TH: variants seen among roughly 807,000 people sequenced by gnomAD.
TH encodes the protein tyrosine hydroxylase, also known as tyrosine 3-monooxygenase.
A neutral mutation model predicts 57.4 loss-of-function variants in TH; 49 were observed. The ratio of observed to expected loss-of-function variants is 0.85; its 90% CI spans 0.68 to 1.08. The LOEUF (loss-of-function observed/expected upper bound fraction) is 1.08, where lower values mean the gene tolerates loss of function less well. Ranked by LOEUF, TH falls within the 50% of genes least tolerant of loss-of-function variation. The pLI is 0.00. For missense variants in TH, 720 were observed against 696.7 expected (o/e 1.03, Z -0.38); for synonymous variants, 330 against 304.5 (o/e 1.08, Z -0.87).
intron 9 of TH, 24 bp from the exon 10 acceptor site, chr11:2,166,082 A>T: frequency 1.3e-6 from 2 of 1,551,434 alleles, no homozygotes; most frequent in South Asian, 1.2e-5. Context: ...AGGATGAAGG[A>T]TGGGGAGAGG....
chr11:2,168,433 C>T (rs1846160940), intron 3 of TH, 58 bp downstream of exon 3: 2 of 1,604,872 alleles, frequency 1.2e-6, no homozygotes, highest in South Asian at 1.1e-5. Context: ...GCAGGAGCCC[C>T]TGCACCCCAG....
chr11:2,165,223 C>G lies in TH; in HGVS notation c.1334+9G>C, dbSNP rs758713265. Reference sequence around the variant, plus strand: ...ACCATGGGGGGCTTGCCCTAGCAGCCTAGCCCACCTGAGCTTGTCCTTGGC... The same window carrying G: ...ACCATGGGGGGCTTGCCCTAGCAGCGTAGCCCACCTGAGCTTGTCCTTGGC... On this transcript the variant is annotated intron_variant, in intron 12 of 12. Transcript: ENST00000352909. 2 of 1,612,804 alleles carry G rather than the reference C, an allele frequency of 1.2e-6. No individual in the cohort carries two copies. The highest frequency in any genetic ancestry group is 1.7e-6 in the Non-Finnish European group (2 of 1,179,960).
chr11:2,169,165 G>C (rs1846186190), intron 2 of TH, among the ~76,000 whole-genome samples: 1 of 152,070 alleles, frequency 6.6e-6, no homozygotes, highest in South Asian at 2.1e-4. Context: ...ACTGGCTCTG[G>C]GAGCTGGGGG....
intron 9 of TH, 158 bp from the exon 10 acceptor site, chr11:2,166,216 G>T: frequency 3.3e-6 from 3 of 914,140 alleles, no homozygotes; most frequent in Non-Finnish European, 5.1e-6. Flanking sequence ...CCTCCACCGG[G>T]CCTCCTCCTC....
Position 2,165,861 on chromosome 11 carries a change from G to A in TH, c.1105-98C>T. On this transcript the variant is annotated intron_variant, in intron 10 of 12. Transcript: ENST00000352909. ...CAGGATACCACCCCCAGGGAGGCCA[G>A]GCCAGGATGCAGGCAGGCCAGGGTG... is the stretch of plus-strand genomic sequence containing the variant. The A allele has an allele frequency of 2.0e-6, 3 of 1,522,366 alleles. No individual in the cohort carries two copies. The Admixed American group carries it at 5.8e-5, about 29-fold the overall frequency. 94.3% of individuals were successfully genotyped at this position (1,522,366 alleles called of 1,614,324 possible).
intron 12 of TH, among the ~76,000 whole-genome samples, chr11:2,164,939 G>A (rs763132978): frequency 2.6e-5 from 4 of 152,088 alleles, no homozygotes; most frequent in African/African-American, 7.2e-5. Context: ...GCAGGGGGCC[G>A]GGACAGGTTC....
rs905006473 is a variant in TH at position 2,171,235 on chromosome 11, G to A, written c.90+462C>T. The stretch of plus-strand genomic sequence containing the variant: ...GAGCTGCTGCTAGAGCCTGGGAAGG[G>A]CCTTGGGGCTGCCTCCCCAAGCAGG... On this transcript the variant is annotated intron_variant, in intron 1 of 12. Coordinates refer to ENST00000352909, the MANE Select transcript of TH (RefSeq NM_000360.4). This position sits in a 1 kb window ranked among gnomAD's most constrained non-coding sequence, Gnocchi z 8.6. Among the ~76,000 whole-genome samples the A allele has an allele frequency of 3.9e-5, 6 of 152,018 alleles. No homozygotes were observed. The highest frequency in any genetic ancestry group is 2.6e-4 in the Admixed American group (4 of 15,264).
chr11:2,168,178 G>A lies in TH; in HGVS notation c.489C>T (p.Val163=). 1 of 1,613,380 alleles carries A rather than the reference G, an allele frequency of 6.2e-7. No individual in the cohort carries two copies. Among genetic ancestry groups the A allele is most frequent in the Non-Finnish European group, 8.5e-7 (1 of 1,179,930 alleles). ...CTGACACTTTTCTTGGGAACCAGGG[G>A]ACTTTATGGGTGATGGAGGAAGAGA... ...EDVRSPAGPK[V]PWFPRKVSEL... The change falls in exon 4 of 13, where the codon GTC becomes GTT. Residue 163 remains valine (V), a splice_region_variant and synonymous_variant. Coordinates refer to ENST00000352909, the MANE Select transcript of TH (RefSeq NM_000360.4).
chr11:2,167,767 G>T (rs1432195360), intron 5 of TH, 99 bp downstream of exon 5: 2 of 1,398,704 alleles, frequency 1.4e-6, no homozygotes, highest in African/African-American at 2.9e-5. Context: ...TGATGCTGGT[G>T]ACAAGATGGG....
rs923617477 is a variant in TH at position 2,170,432 on chromosome 11, C to T, written c.91-561G>A. Among the ~76,000 whole-genome samples, 2 of 152,154 alleles carry T rather than the reference C, an allele frequency of 1.3e-5. No individual in the cohort carries two copies. Among genetic ancestry groups the T allele is most frequent in the Non-Finnish European group, 1.5e-5 (1 of 68,032 alleles). On this transcript the variant is annotated intron_variant, in intron 1 of 12. Coordinates refer to ENST00000352909, the MANE Select transcript of TH (RefSeq NM_000360.4). This position sits in a 1 kb window ranked among gnomAD's most constrained non-coding sequence, Gnocchi z 6.0. ...CGCCCGCTCCTGGCTGCCTTGTCAT[C>T]CCTCCACCCTTTGTCATAGCTCTGG... is the stretch of plus-strand genomic sequence containing the variant.
At chr11:2,165,164 C>T in intron 12 of TH, 68 bp downstream of exon 12, 1 of 1,610,964 alleles carries the variant, frequency 6.2e-7, no homozygotes, top group Non-Finnish European at 8.5e-7. Context: ...TGCTCAAGGC[C>T]AGAAGGAAGG....
chr11:2,171,181 C>A lies in TH; in HGVS notation c.90+516G>T, dbSNP rs899079230. On this transcript the variant is annotated intron_variant, in intron 1 of 12. Transcript: ENST00000352909. The surrounding 1 kb of genome is among the most constrained non-coding windows in gnomAD (Gnocchi z 8.6). ...GAGCCCAGATACCCTTTGAATTTTG[C>A]CCCCTATTTGCCCAGGACCCCCCAC... Among the ~76,000 whole-genome samples, 22 of 151,980 alleles carry A rather than the reference C, an allele frequency of 1.4e-4. No homozygotes were observed. Among genetic ancestry groups the A allele is most frequent in the Non-Finnish European group, 2.9e-4 (20 of 67,976 alleles).
Position 2,166,074 on chromosome 11 carries a change from GA to G in TH, c.1048-17del. ...GGCCAATGTCCTGTGGAGCAGGGAG[GA>G]TGAAGGATGGGGAGAGGCAGCCCTG... is the stretch of plus-strand genomic sequence containing the variant. On this transcript the variant is annotated splice_polypyrimidine_tract_variant and intron_variant, in intron 9 of 12. Transcript: ENST00000352909. 1.3e-6 allele frequency: 2 copies of G among 1,552,244 alleles called. No homozygotes were observed. Among genetic ancestry groups the G allele is most frequent in the Non-Finnish European group, 1.7e-6 (2 of 1,147,614 alleles).
intron 8 of TH, 42 bp from the exon 9 acceptor site, chr11:2,166,591 G>A: frequency 6.3e-7 from 1 of 1,586,120 alleles, no homozygotes. Flanking sequence ...GCCGCCCGTC[G>A]CACCCCCCAC....
chr11:2,168,368 G>C (rs1846159123), intron 3 of TH, 123 bp downstream of exon 3: 1 of 1,426,212 alleles, frequency 7.0e-7, no homozygotes, highest in African/African-American at 1.4e-5. Context: ...GTGCGGAGTG[G>C]AGCCCGCAGA....
chr11:2,167,122 GCCCCTACCAAC>G (rs1846120838), intron 6 of TH, 90 bp from the exon 7 acceptor site: 1 of 1,521,032 alleles, frequency 6.6e-7, no homozygotes, highest in African/African-American at 1.4e-5. Context: ...GCCTGCCTGA[GCCCCTACCAAC>G]GCAGGCCTCT....
chr11:2,165,375 G>T lies in TH; in HGVS notation c.1201-10C>A, dbSNP rs779826328. ...CCTCAGACAGGCAGTGCTGGCAGGAGGCCAATGGCATCACTGACTCCACTG... is the reference window on the plus strand; with the variant it reads ...CCTCAGACAGGCAGTGCTGGCAGGATGCCAATGGCATCACTGACTCCACTG... On this transcript the variant is annotated splice_polypyrimidine_tract_variant and intron_variant, in intron 11 of 12. Transcript: ENST00000352909. 92 of 1,608,162 alleles carry T rather than the reference G, an allele frequency of 5.7e-5. No homozygotes were observed. The highest frequency in any genetic ancestry group is 7.5e-5 in the Non-Finnish European group (88 of 1,179,968).
intron 2 of TH, among the ~76,000 whole-genome samples, chr11:2,169,364 G>A (rs1468897669): frequency 4.6e-5 from 7 of 152,134 alleles, no homozygotes; most frequent in East Asian, 3.9e-4. Context: ...AGCCCCCCAC[G>A]TGGGAAATGG....
intron 3 of TH, 123 bp from the exon 4 acceptor site, chr11:2,168,302 T>G: frequency 7.4e-7 from 1 of 1,359,366 alleles, no homozygotes; most frequent in Non-Finnish European, 1.0e-6. Context: ...CTGTGAGAGC[T>G]GCGGGGGGAT....
Sources: allele counts gnomAD v4.1 joint callset (sites outside exome capture counted in the v4.1 genomes callset), GRCh38; gene constraint gnomAD v4.1.1; non-coding constraint Gnocchi (gnomAD v3.1); transcripts MANE v1.5; gene names NCBI Gene and HGNC (gene_info 2026-07-23, HGNC 2026-07-21).